The following PXDN variants were observed in gnomAD, a reference collection of about 807,000 sequenced individuals.
The protein encoded by PXDN is peroxidasin.
In PXDN, 77 loss-of-function variants were observed where a neutral mutation model predicts 140.3. That is an observed-to-expected ratio of 0.55 (90% confidence interval 0.46 to 0.66). The LOEUF (loss-of-function observed/expected upper bound fraction) is 0.66. Among genes scored for constraint, PXDN ranks in the 30% least tolerant of loss-of-function variants. PXDN has a pLI of 0.00. For synonymous variants in PXDN, 911 were observed against 857.4 expected (o/e 1.06, Z -1.09); for missense variants, 1,838 against 2,039.5 (o/e 0.90, Z 1.90).
chr2:1,732,410 G>A (rs996346869), intron 1 of PXDN, among the ~76,000 whole-genome samples: 4 of 151,182 alleles, frequency 2.6e-5, no homozygotes, highest in Non-Finnish European at 5.9e-5. Flanking sequence ...GGGATCACAG[G>A]GTCACACACA....
At chr2:1,709,004 G>C (rs1260574605) in intron 1 of PXDN, among the ~76,000 whole-genome samples, 4 of 152,198 alleles carry the variant, frequency 2.6e-5, no homozygotes, top group Non-Finnish European at 5.9e-5. Flanking sequence ...TGACAGGCAT[G>C]ATCTGCTGAG....
At chr2:1,671,477 C>T (rs927103776) in intron 9 of PXDN, among the ~76,000 whole-genome samples, 1 of 151,350 alleles carries the variant, frequency 6.6e-6, no homozygotes, top group Non-Finnish European at 1.5e-5. Context: ...TGGAAAGGCT[C>T]GGAGAAAAAT....
Position 1,689,085 on chromosome 2 carries a change from T to G in PXDN, c.345-1382A>C, listed in dbSNP as rs7593920. Among the ~76,000 whole-genome samples, 1,085 of 152,170 alleles carry G rather than the reference T, an allele frequency of 7.1e-3. 17 individuals are homozygous for G. Among genetic ancestry groups the G allele is most frequent in the African/African-American group, 0.025 (1,042 of 41,526 alleles). ...GAGCCCAGTGCCCGCAGCAGAGGCC[T>G]GGCAAGGCTGTTACTTCTCTAGGCC... On this transcript the variant is annotated intron_variant, in intron 3 of 22. Transcript: ENST00000252804.
Position 1,687,565 on chromosome 2 carries a change from G to C in PXDN, c.416+67C>G, listed in dbSNP as rs1222568629. 1 of 1,261,816 alleles carries C rather than the reference G, an allele frequency of 7.9e-7. No homozygotes were observed. Among genetic ancestry groups the C allele is most frequent in the Non-Finnish European group, 1.1e-6 (1 of 906,262 alleles). 78.2% of individuals were successfully genotyped at this position (1,261,816 alleles called of 1,614,324 possible). On this transcript the variant is annotated intron_variant, in intron 4 of 22. Transcript: ENST00000252804. This position sits in a 1 kb window ranked among gnomAD's most constrained non-coding sequence, Gnocchi z 4.0. ...TGCAAACAGCTAGCTCACTCCACTG[G>C]TCCCTACAAGAGGAAAACAGCCAGA...
At position 1,648,655 on chromosome 2, in the gene PXDN, A is replaced by G; in HGVS notation, c.3125T>C (p.Val1042Ala). The G allele has an allele frequency of 6.2e-7, 1 of 1,607,724 alleles. No homozygotes were observed. Among genetic ancestry groups the G allele is most frequent in the Non-Finnish European group, 8.5e-7 (1 of 1,177,862 alleles). The change falls in exon 17 of 23, where the codon GTG becomes GCG. Residue 1042 changes from valine to alanine, a missense_variant. By Grantham distance (64) the Val-to-Ala change is moderately conservative (BLOSUM62 0). Transcript: ENST00000252804. The surrounding 1 kb of genome is among the most constrained non-coding windows in gnomAD (Gnocchi z 8.9). ...GTACTCTCCCAGCGTCCTCATGCCC[A>G]CCTCCCCCAGGATCTTCGGGAGCCA... ...QHWLPKILGE[V>A]GMRTLGEYHG... is the part of the protein sequence containing the mutation.
intron 1 of PXDN, among the ~76,000 whole-genome samples, chr2:1,722,822 C>G (rs939167637): frequency 6.6e-6 from 1 of 152,218 alleles, no homozygotes; most frequent in Admixed American, 6.5e-5. Context: ...GCACGGTGTG[C>G]CTCACAGCCT....
rs1553369688 is a variant in PXDN at position 1,719,873 on chromosome 2, TGA to T, written c.200+24381_200+24382del. ...GTGTGTGTGTGTGTGTGTGTGTGTGTGAAAGAGAGAGAGGGAGGGAGATTCAG... is the reference window on the plus strand; with the variant it reads ...GTGTGTGTGTGTGTGTGTGTGTGTGTAAGAGAGAGAGGGAGGGAGATTCAG... On this transcript the variant is annotated intron_variant, in intron 1 of 22. Coordinates refer to ENST00000252804, the MANE Select transcript of PXDN (RefSeq NM_012293.3). Among the ~76,000 whole-genome samples, 97 of 107,710 alleles carry T rather than the reference TGA, an allele frequency of 9.0e-4. 2 individuals carry two copies. The highest frequency in any genetic ancestry group is 9.6e-4 in the Non-Finnish European group (45 of 47,050). The allele number at this position is 107,710 out of a possible 152,430, so 70.7% of individuals were successfully genotyped here.
chr2:1,635,079 T>A (rs1445734480), intron 22 of PXDN, among the ~76,000 whole-genome samples: 1 of 150,420 alleles, frequency 6.6e-6, no homozygotes, highest in Non-Finnish European at 1.5e-5. Flanking sequence ...CATTCATGGG[T>A]TTCCATGGCA....
Position 1,691,934 on chromosome 2 carries a change from T to C in PXDN, c.338A>G (p.Lys113Arg). 6.7e-7 allele frequency: 1 copy of C among 1,492,044 alleles called. No homozygotes were observed. The highest frequency in any genetic ancestry group is 9.0e-7 in the Non-Finnish European group (1 of 1,105,068). The allele number at this position is 1,492,044 out of a possible 1,614,324, so 92.4% of individuals were successfully genotyped here. A position where few individuals can be genotyped will look rare whatever the true frequency, so the allele number is the denominator to read the frequency against. The change falls in exon 3 of 23, where the codon AAA (lysine) becomes AGA (arginine). Residue 113 changes from lysine (K) to arginine (R), a missense_variant. Coordinates refer to ENST00000252804, the MANE Select transcript of PXDN (RefSeq NM_012293.3). ...SGAFEDLENL[K>R]YLYLYKNEIQ... ...GAACTGATCATTAACTTACAGATATTTTAAATTTTCCAAGTCTTCAAATGC... is the reference window on the plus strand; with the variant it reads ...GAACTGATCATTAACTTACAGATATCTTAAATTTTCCAAGTCTTCAAATGC...
At chr2:1,731,077 C>G (rs1231916793) in intron 1 of PXDN, among the ~76,000 whole-genome samples, 1 of 152,136 alleles carries the variant, frequency 6.6e-6, no homozygotes, top group East Asian at 1.9e-4. Context: ...ATCAACATCA[C>G]AGACCTCTCT....
At position 1,685,364 on chromosome 2, in the gene PXDN, G is replaced by A. The variant is rs574509445; in HGVS notation, c.417-1213C>T. Among the ~76,000 whole-genome samples, 30 of 152,320 alleles carry A rather than the reference G, an allele frequency of 2.0e-4. 1 individual carries two copies. Among genetic ancestry groups the A allele is most frequent in the East Asian group, 9.7e-4 (5 of 5,156 alleles). On this transcript the variant is annotated intron_variant, in intron 4 of 22. Transcript: ENST00000252804. The surrounding 1 kb of genome is among the most constrained non-coding windows in gnomAD (Gnocchi z 5.1). ...AGCATGACGGGCGGGCACCTGACGC[G>A]CGGGTCCCGAGGAAGGCCGAACCCG...
At chr2:1,700,333 A>G (rs1168023070) in intron 1 of PXDN, among the ~76,000 whole-genome samples, 2 of 151,992 alleles carry the variant, frequency 1.3e-5, no homozygotes, top group African/African-American at 2.4e-5. Flanking sequence ...AAGTGCTAGG[A>G]TTACTGGCAT....
At chr2:1,710,585 C>A (rs1406278691) in intron 1 of PXDN, among the ~76,000 whole-genome samples, 7 of 146,272 alleles carry the variant, frequency 4.8e-5, no homozygotes, top group Non-Finnish European at 7.5e-5. Context: ...TCCACTAGCA[C>A]CCTCTCCACC....
At chr2:1,654,856 A>T (rs1285530873) in intron 14 of PXDN, among the ~76,000 whole-genome samples, 4 of 152,130 alleles carry the variant, frequency 2.6e-5, no homozygotes, top group Non-Finnish European at 5.9e-5. Flanking sequence ...ATGTCTGTGG[A>T]GACACCTCAG....
At chr2:1,637,151 T>C (rs887079935) in intron 21 of PXDN, 2 of 152,422 alleles carry the variant, frequency 1.3e-5, no homozygotes, top group Non-Finnish European at 2.9e-5. Flanking sequence ...TCTGCTATGC[T>C]GTCCAGGGTC....
intron 10 of PXDN, 47 bp downstream of exon 10, chr2:1,666,167 G>A (rs1683433883): frequency 2.5e-6 from 4 of 1,599,704 alleles, no homozygotes; most frequent in Non-Finnish European, 3.4e-6. Context: ...GTGGAGGGGT[G>A]AGGATGGGGC....
chr2:1,642,632 A>T (rs1350742746), intron 19 of PXDN, among the ~76,000 whole-genome samples: 1 of 152,188 alleles, frequency 6.6e-6, no homozygotes, highest in African/African-American at 2.4e-5. Context: ...TTTTATGGGG[A>T]TCTGATCATA....
rs1353330358 is a variant in PXDN at position 1,677,048 on chromosome 2, T to C, written c.731-4A>G. On this transcript the variant is annotated splice_region_variant and splice_polypyrimidine_tract_variant and intron_variant, in intron 7 of 22. Transcript: ENST00000252804. The stretch of plus-strand genomic sequence containing the variant: ...TCGGAGGTGATCCGGGGCCTTTCTG[T>C]GCCCAACCAGAAAATGGAAACCTTT... 1 of 1,586,144 alleles carries C rather than the reference T, an allele frequency of 6.3e-7. No individual in the cohort carries two copies. The highest frequency in any genetic ancestry group is 1.1e-5 in the South Asian group (1 of 87,682).
At chr2:1,737,837 C>G (rs1685455553) in intron 1 of PXDN, among the ~76,000 whole-genome samples, 2 of 152,154 alleles carry the variant, frequency 1.3e-5, no homozygotes, top group South Asian at 2.1e-4. Context: ...CCATGCCCCC[C>G]TTAATGCCTA....
Sources: gnomAD v4.1 joint callset for allele counts (sites outside exome capture counted in the v4.1 genomes callset) on GRCh38, gnomAD v4.1.1 for gene constraint, Gnocchi (gnomAD v3.1) non-coding constraint, MANE v1.5 for transcripts, NCBI Gene and HGNC (gene_info 2026-07-23, HGNC 2026-07-21) for gene names.